The following OR4K1 variants were observed in gnomAD, a reference collection of about 807,000 sequenced individuals.
OR4K1 encodes the protein olfactory receptor 4K1.
A neutral mutation model predicts 14.4 loss-of-function variants in OR4K1; 16 were observed. That is an observed-to-expected ratio of 1.11 (90% CI 0.75 to 1.68). The LOEUF (loss-of-function observed/expected upper bound fraction) is 1.68. OR4K1 is among the 40% of genes most tolerant of loss of function. The pLI is 0.00. For missense variants in OR4K1, 548 were observed against 376.9 expected, an observed-to-expected ratio of 1.45 and a Z score of -3.76; for synonymous variants, 181 against 133.1, an observed-to-expected ratio of 1.36 and a Z score of -2.48.
At chr14:19,925,341 A>G in the OR4K1 span, among the ~76,000 whole-genome samples, 1 of 152,162 alleles carries the variant, frequency 6.6e-6, no homozygotes, top group East Asian at 1.9e-4. Context: ...ATTTTCAGCT[A>G]TTTCTCTCAG....
Position 19,936,642 on chromosome 14 carries a change from G to A in OR4K1, c.*40G>A. Reference sequence around the variant, plus strand: ...GAGCATAATCCTGAATTAGAATGAAGACCCTCCAGTGTATCATAGTGTCAT... The same window carrying A: ...GAGCATAATCCTGAATTAGAATGAAAACCCTCCAGTGTATCATAGTGTCAT... On this transcript the variant is annotated 3_prime_UTR_variant, in exon 2 of 2. Transcript: ENST00000641172. 1 of 1,523,944 alleles carries A rather than the reference G, an allele frequency of 6.6e-7. No individual in the cohort carries two copies. The highest frequency in any genetic ancestry group is 8.9e-7 in the Non-Finnish European group (1 of 1,127,114). The allele number at this position is 1,523,944 out of a possible 1,614,324, so 94.4% of individuals were successfully genotyped here. A position where few individuals can be genotyped will look rare whatever the true frequency, so the allele number is the denominator to read the frequency against.
the OR4K1 span, chr14:19,920,879 CAT>C: frequency 6.2e-7 from 1 of 1,614,054 alleles, no homozygotes; most frequent in Admixed American, 1.7e-5. Flanking sequence ...CACACGAGAC[CAT>C]ATCTTTCAGT....
chr14:19,936,338 T>C lies in OR4K1; in HGVS notation c.672T>C (p.Gly224=). Residue 224 remains glycine, a synonymous_variant, in exon 2 of 2, where the codon GGT becomes GGC. Transcript: ENST00000641172. ...LIISYTIILI[G]VRCRSSSGSS... Reference sequence around the variant, plus strand: ...TTTCCTACACCATCATTTTGATCGGTGTCCGATGCAGGTCCTCCAGTGGGT... The same window carrying C: ...TTTCCTACACCATCATTTTGATCGGCGTCCGATGCAGGTCCTCCAGTGGGT... 6.2e-7 allele frequency: 1 copy of C among 1,614,272 alleles called. No individual in the cohort carries two copies. The highest frequency in any genetic ancestry group is 1.3e-5 in the African/African-American group (1 of 75,084).
the OR4K1 span, among the ~76,000 whole-genome samples, chr14:19,925,579 G>A: frequency 6.6e-6 from 1 of 152,182 alleles, no homozygotes; most frequent in Non-Finnish European, 1.5e-5. Flanking sequence ...CCAAACCCAG[G>A]GCAGACTTTT....
the OR4K1 span, among the ~76,000 whole-genome samples, chr14:19,923,422 C>T: frequency 9.2e-5 from 14 of 152,296 alleles, no homozygotes; most frequent in East Asian, 2.3e-3. Context: ...ACAACCAGCT[C>T]GTCAGATTTC....
chr14:19,930,261 A>G (rs953016872), upstream of OR4K1, among the ~76,000 whole-genome samples: 1 of 152,226 alleles, frequency 6.6e-6, no homozygotes, highest in Non-Finnish European at 1.5e-5. Context: ...CAGGATAGAT[A>G]GGAAGATAGA....
Position 19,936,209 on chromosome 14 carries a change from T to A in OR4K1, c.543T>A (p.Leu181=), listed in dbSNP as rs759275504. 1 of 1,614,132 alleles carries A rather than the reference T, an allele frequency of 6.2e-7. No homozygotes were observed. Among genetic ancestry groups the A allele is most frequent in the African/African-American group, 1.3e-5 (1 of 74,944 alleles). The change falls in exon 2 of 2, where the codon CTT becomes CTA. Residue 181 remains leucine, a synonymous_variant. Coordinates refer to ENST00000641172, the MANE Select transcript of OR4K1 (RefSeq NM_001004063.3). Reference sequence around the variant, plus strand: ...AGGTGGATAGCTTCTTTTGTGACCTTCCCTTGGTGATAGAGCTGGCTTGCA... The same window carrying A: ...AGGTGGATAGCTTCTTTTGTGACCTACCCTTGGTGATAGAGCTGGCTTGCA... ...PNEVDSFFCD[L]PLVIELACMD... is the part of the protein sequence containing the mutation.
At chr14:19,925,708 C>G in the OR4K1 span, among the ~76,000 whole-genome samples, 1 of 152,240 alleles carries the variant, frequency 6.6e-6, no homozygotes, top group Non-Finnish European at 1.5e-5. Flanking sequence ...AGAAGCTGTT[C>G]GAAAGAGCTG....
rs370302344 is a variant in OR4K1, at chr14:19,934,942, G to A, written c.-19-706G>A. Among the ~76,000 whole-genome samples the A allele has an allele frequency of 1.6e-4, 24 of 152,212 alleles. No individual in the cohort carries two copies. In the East Asian group the frequency reaches 3.9e-3, roughly 25 times the overall value. Reference sequence around the variant, plus strand: ...CCTGCCTTGGCCTCTCAAAGTGCTGGGATTACAGGCATGACCCACCGTGCC... The same window carrying A: ...CCTGCCTTGGCCTCTCAAAGTGCTGAGATTACAGGCATGACCCACCGTGCC... On this transcript the variant is annotated intron_variant, in intron 1 of 1. Coordinates refer to ENST00000641172, the MANE Select transcript of OR4K1 (RefSeq NM_001004063.3).
At chr14:19,926,710 T>C (rs1594451987), upstream of OR4K1, among the ~76,000 whole-genome samples, 1 of 152,354 alleles carries the variant, frequency 6.6e-6, no homozygotes, top group East Asian at 1.9e-4. Context: ...TTTCAGTGGG[T>C]CCCCGTACTA....
chr14:19,935,515 C>T, intron 1 of OR4K1, 133 bp from the exon 2 acceptor site: 2 of 711,860 alleles, frequency 2.8e-6, no homozygotes, highest in East Asian at 5.5e-5. Context: ...TGAGTATTTA[C>T]ATACGTAAAT....
At chr14:19,934,374 T>C (rs574330928) in intron 1 of OR4K1, among the ~76,000 whole-genome samples, 1 of 152,398 alleles carries the variant, frequency 6.6e-6, no homozygotes, top group African/African-American at 2.4e-5. Flanking sequence ...GAGATATTTC[T>C]TAAAGGACCA....
At chr14:19,923,302 A>G in the OR4K1 span, among the ~76,000 whole-genome samples, 1 of 152,212 alleles carries the variant, frequency 6.6e-6, no homozygotes, top group Non-Finnish European at 1.5e-5. Context: ...CGCTGTTTTA[A>G]TTTACTACAG....
chr14:19,925,659 C>T, the OR4K1 span, among the ~76,000 whole-genome samples: 2 of 152,248 alleles, frequency 1.3e-5, no homozygotes, highest in Admixed American at 1.3e-4. Flanking sequence ...ATGAGCAGTC[C>T]TTCTGACAAG....
At chr14:19,933,531 A>G (rs1190128411) in intron 1 of OR4K1, among the ~76,000 whole-genome samples, 1 of 152,168 alleles carries the variant, frequency 6.6e-6, no homozygotes, top group Non-Finnish European at 1.5e-5. Flanking sequence ...CATCATGGAA[A>G]CTTGTAGTTA....
chr14:19,920,714 A>C, the OR4K1 span: 1 of 1,614,146 alleles, frequency 6.2e-7, no homozygotes, highest in Non-Finnish European at 8.5e-7. Flanking sequence ...TGTTGTATAC[A>C]GTCATTGTGC....
At chr14:19,920,796 G>A in the OR4K1 span, 2 of 1,614,060 alleles carry the variant, frequency 1.2e-6, no homozygotes, top group Non-Finnish European at 1.7e-6. Context: ...CTTTCTCTTG[G>A]GAAACCTTTC....
At chr14:19,929,832 T>C (rs1882147070), upstream of OR4K1, among the ~76,000 whole-genome samples, 1 of 152,236 alleles carries the variant, frequency 6.6e-6, no homozygotes, top group East Asian at 1.9e-4. Flanking sequence ...ATTATTTTAC[T>C]ATTGTGATAG....
chr14:19,934,438 G>C (rs1882256691), intron 1 of OR4K1, among the ~76,000 whole-genome samples: 1 of 152,248 alleles, frequency 6.6e-6, no homozygotes, highest in South Asian at 2.1e-4. Flanking sequence ...GGTGTGTATA[G>C]AAAGATAAAA....
Sources: allele counts gnomAD v4.1 joint callset (sites outside exome capture counted in the v4.1 genomes callset), GRCh38; gene constraint gnomAD v4.1.1; transcripts MANE v1.5; gene names NCBI Gene and HGNC (gene_info 2026-07-23, HGNC 2026-07-21).